Variants in NHSL1 observed in about 807,000 individuals in gnomAD.
NHSL1 encodes the protein NHS-like protein 1.
Under a neutral mutation model 95.0 loss-of-function variants are expected in NHSL1, and 48 were observed. That is an observed-to-expected ratio of 0.51 (90% CI 0.40 to 0.64). NHSL1 has a LOEUF of 0.64. Among genes scored for constraint, NHSL1 ranks in the 30% least tolerant of loss-of-function variants. The probability of loss-of-function intolerance (pLI) is 0.00; values close to 1 mark genes in which losing one functional copy is unlikely to be tolerated. For synonymous variants in NHSL1, 783 were observed against 833.9 expected, an observed-to-expected ratio of 0.94 and a Z score of 1.05; for missense variants, 1,971 against 2,077.7, an observed-to-expected ratio of 0.95 and a Z score of 1.00.
chr6:138,641,195 T>C (rs1784955252), intron 1 of NHSL1, among the ~76,000 whole-genome samples: 1 of 152,178 alleles, frequency 6.6e-6, no homozygotes. Context: ...CCCAGTTCAA[T>C]GGGATCCCAG....
In NHSL1 at chr6:138,557,692, G is replaced by A. The variant is rs555079224; in HGVS notation, c.202+14018C>T. Reference sequence around the variant, plus strand: ...TTGTACTCTTTGATTGAGCAGAGTTGTTGAAGTGTCATGAAGAGTGTGGGA... The same window carrying A: ...TTGTACTCTTTGATTGAGCAGAGTTATTGAAGTGTCATGAAGAGTGTGGGA... On this transcript the variant is annotated intron_variant, in intron 1 of 6. Transcript: ENST00000427025. 2.0e-4 allele frequency among the ~76,000 whole-genome samples: 30 copies of A among 152,348 alleles called. 1 individual carries two copies. Among genetic ancestry groups the A allele is most frequent in the African/African-American group, 7.0e-4 (29 of 41,580 alleles).
chr6:138,506,968 T>C (rs1200289063), intron 1 of NHSL1, among the ~76,000 whole-genome samples: 2 of 152,252 alleles, frequency 1.3e-5, no homozygotes, highest in African/African-American at 4.8e-5. Flanking sequence ...ACTTGTGCCT[T>C]AAGAATCAAT....
chr6:138,535,869 G>T lies in NHSL1; in HGVS notation c.16+9754C>A, dbSNP rs561403033. ...GTAAACTGAGAATTTTCATTGTGTG[G>T]TGAGGATCTGCTCTGGCAGAGAGAG... On this transcript the variant is annotated intron_variant, in intron 1 of 4. Coordinates refer to the NHSL1 transcript ENST00000342260. Among the ~76,000 whole-genome samples, 45 of 152,284 alleles carry T rather than the reference G, an allele frequency of 3.0e-4. 1 individual carries two copies. In the South Asian group the frequency reaches 8.9e-3, roughly 30 times the overall value.
intron 4 of NHSL1, chr6:138,446,761 G>A (rs1435987410): frequency 1.6e-5 from 8 of 514,702 alleles, no homozygotes; most frequent in Non-Finnish European, 2.4e-5. Flanking sequence ...ATGAATGGTT[G>A]GACCACTGAG....
intron 3 of NHSL1, among the ~76,000 whole-genome samples, chr6:138,448,968 C>T (rs1296447508): frequency 2.6e-5 from 4 of 151,036 alleles, no homozygotes; most frequent in African/African-American, 9.7e-5. Flanking sequence ...AGGAGAATCG[C>T]TTGAACCCAG....
intron 1 of NHSL1, chr6:138,651,034 T>A: frequency 2.5e-6 from 1 of 405,102 alleles, no homozygotes; most frequent in Non-Finnish European, 4.8e-6. Flanking sequence ...CGTAACAAAG[T>A]TCTTCTAAAT....
intron 1 of NHSL1, among the ~76,000 whole-genome samples, chr6:138,632,416 G>A (rs1784831096): frequency 6.6e-6 from 1 of 152,148 alleles, no homozygotes; most frequent in South Asian, 2.1e-4. Context: ...CCTTGGGTGA[G>A]ACCCACTGCT....
chr6:138,663,062 C>A (rs867930640), intron 1 of NHSL1, among the ~76,000 whole-genome samples: 343 of 126,570 alleles, frequency 2.7e-3, no homozygotes, highest in South Asian at 3.9e-3. Flanking sequence ...GAACTCACGG[C>A]AAAAAAAAAA....
At chr6:138,617,918 A>G (rs1166673581) in intron 1 of NHSL1, among the ~76,000 whole-genome samples, 1 of 152,228 alleles carries the variant, frequency 6.6e-6, no homozygotes, top group Non-Finnish European at 1.5e-5. Flanking sequence ...TGCAGCCGTC[A>G]CTGATGCACA....
intron 1 of NHSL1, among the ~76,000 whole-genome samples, chr6:138,670,680 A>AAAAAAAAAAAAAAAAAC (rs1562408417): frequency 5.3e-5 from 8 of 151,088 alleles, no homozygotes; most frequent in African/African-American, 2.0e-4. Flanking sequence ...AAAAAAAAAA[A>AAAAAAAAAAAAAAAAAC]AAAAAACTTT....
intron 1 of NHSL1, among the ~76,000 whole-genome samples, chr6:138,616,950 G>A (rs1784586690): frequency 6.6e-6 from 1 of 152,178 alleles, no homozygotes; most frequent in African/African-American, 2.4e-5. Context: ...CTCTCAGAAG[G>A]ACCTGGAAGT....
chr6:138,499,142 CACACACACACACACACAG>C, intron 1 of NHSL1, 73 bp downstream of exon 1: 1 of 811,830 alleles, frequency 1.2e-6, no homozygotes, highest in Non-Finnish European at 2.0e-6. Flanking sequence ...TGGACACACA[CACACACACACACACACAG>C]ACACACAGGG....
chr6:138,672,235 T>C lies in NHSL1; in HGVS notation c.96+20241A>G, dbSNP rs533069079. Among the ~76,000 whole-genome samples, 4 of 152,250 alleles carry C rather than the reference T, an allele frequency of 2.6e-5. No homozygotes were observed. The East Asian group carries it at 5.8e-4, about 22-fold the overall frequency. ...TTTCACCATAAATCCTCTACAACCA[T>C]TGGGGAAAAAGTCAAAGAAGGCAGC... On this transcript the variant is annotated intron_variant, in intron 1 of 3. Coordinates refer to the NHSL1 transcript ENST00000491526.
intron 1 of NHSL1, among the ~76,000 whole-genome samples, chr6:138,552,740 G>T (rs536925421): frequency 1.5e-4 from 23 of 152,242 alleles, no homozygotes; most frequent in Non-Finnish European, 3.1e-4. Context: ...TCTTTCGGTT[G>T]CCCTTAGCTG....
In NHSL1 at chr6:138,614,321, C is replaced by A. The variant is rs184643813; in HGVS notation, c.96+78155G>T. Among the ~76,000 whole-genome samples, 3 of 152,286 alleles carry A rather than the reference C, an allele frequency of 2.0e-5. No homozygotes were observed. In the East Asian group the frequency reaches 5.8e-4, roughly 29 times the overall value. ...CCACTTGTGACTGTGAGATGACAAA[C>A]GTACACTAAGGAAAGCTGAGTGGAA... On this transcript the variant is annotated intron_variant, in intron 1 of 3. Coordinates refer to the NHSL1 transcript ENST00000491526.
chr6:138,437,337 T>TACAC (rs1776194651), intron 5 of NHSL1, among the ~76,000 whole-genome samples: 1 of 46,338 alleles, frequency 2.2e-5, no homozygotes, highest in African/African-American at 9.9e-5. Context: ...CACATATATA[T>TACAC]ATATACACAT....
intron 5 of NHSL1, among the ~76,000 whole-genome samples, chr6:138,437,375 CATATATATATACACATATATATATATAT>C (rs2128208971): frequency 2.8e-5 from 1 of 36,192 alleles, no homozygotes; most frequent in African/African-American, 1.1e-4. Context: ...TATATATACA[CATATATATATACACATATATATATATAT>C]ACACACATAT....
upstream of NHSL1, among the ~76,000 whole-genome samples, chr6:138,501,232 T>C (rs1370893998): frequency 6.6e-6 from 1 of 152,206 alleles, no homozygotes; most frequent in Non-Finnish European, 1.5e-5. Context: ...TGAATATAGA[T>C]TCGTTCATCA....
intron 1 of NHSL1, among the ~76,000 whole-genome samples, chr6:138,610,977 C>T (rs1459998539): frequency 6.6e-6 from 1 of 151,866 alleles, no homozygotes; most frequent in Non-Finnish European, 1.5e-5. Context: ...ACTCAGGAGG[C>T]TGAGGCAGAA....
Sources: gnomAD v4.1 joint callset for allele counts (sites outside exome capture counted in the v4.1 genomes callset) on GRCh38, gnomAD v4.1.1 for gene constraint, MANE v1.5 for transcripts, NCBI Gene and HGNC (gene_info 2026-07-23, HGNC 2026-07-21) for gene names.